The following KCNMB2 variants were observed in gnomAD, a reference collection of about 807,000 sequenced individuals.
KCNMB2 encodes calcium-activated potassium channel subunit beta-2.
Under a neutral mutation model 24.5 loss-of-function variants are expected in KCNMB2, and 9 were observed. The ratio of observed to expected loss-of-function variants is 0.37; its 90% CI spans 0.22 to 0.64. The LOEUF (loss-of-function observed/expected upper bound fraction) is 0.64. Among genes scored for constraint, KCNMB2 ranks in the 30% least tolerant of loss-of-function variants. KCNMB2 has a pLI of 0.63. For missense variants in KCNMB2, 226 were observed against 284.3 expected (o/e 0.79, Z 1.47); for synonymous variants, 109 against 104.4 (o/e 1.04, Z -0.27).
chr3:178,626,992 G>A (rs1577058729), intron 1 of KCNMB2, among the ~76,000 whole-genome samples: 1 of 150,964 alleles, frequency 6.6e-6, no homozygotes, highest in East Asian at 1.9e-4. Flanking sequence ...ACTGGCCAAT[G>A]GCAAAATCCA....
intron 2 of KCNMB2, among the ~76,000 whole-genome samples, chr3:178,811,529 G>A (rs930524417): frequency 6.6e-6 from 1 of 152,130 alleles, no homozygotes; most frequent in Non-Finnish European, 1.5e-5. Flanking sequence ...ATTTACCAAT[G>A]CTGGCGTGAG....
intron 1 of KCNMB2, among the ~76,000 whole-genome samples, chr3:178,545,296 T>C (rs1715739762): frequency 6.6e-6 from 1 of 152,192 alleles, no homozygotes; most frequent in South Asian, 2.1e-4. Flanking sequence ...CTACACTATG[T>C]GTGTCTGGGA....
intron 4 of KCNMB2, among the ~76,000 whole-genome samples, chr3:178,837,193 T>C (rs545692864): frequency 3.3e-5 from 5 of 152,320 alleles, no homozygotes; most frequent in Admixed American, 6.5e-5. Context: ...GATTTCATAG[T>C]TTATTATGTG....
At chr3:178,619,590 G>T (rs971403162) in intron 1 of KCNMB2, among the ~76,000 whole-genome samples, 12 of 151,916 alleles carry the variant, frequency 7.9e-5, no homozygotes, top group African/African-American at 2.7e-4. Context: ...GAGGCCCAAA[G>T]ATATTTCTGC....
At chr3:178,797,844 C>G (rs771674257) in intron 1 of KCNMB2, among the ~76,000 whole-genome samples, 7 of 152,176 alleles carry the variant, frequency 4.6e-5, no homozygotes, top group Non-Finnish European at 1.0e-4. Flanking sequence ...TCGAAGAGGT[C>G]CTTCACTTCC....
rs1174927347 is a variant in KCNMB2 at position 178,838,887 on chromosome 3, C to T, written c.424-3766C>T. ...TTACAATGCAAAAATTGGTAAATGA[C>T]AGTAAGACGTGAGTTTTATAAAAAA... On this transcript the variant is annotated intron_variant, in intron 4 of 4. Transcript: ENST00000452583. 2.0e-5 allele frequency among the ~76,000 whole-genome samples: 3 copies of T among 152,018 alleles called. No individual in the cohort carries two copies. In the East Asian group the frequency reaches 5.8e-4, roughly 29 times the overall value.
intron 1 of KCNMB2, among the ~76,000 whole-genome samples, chr3:178,754,191 C>CACACAT (rs1418868783): frequency 5.9e-5 from 4 of 68,076 alleles, no homozygotes; most frequent in Non-Finnish European, 5.5e-5. Flanking sequence ...CACACACACA[C>CACACAT]ATACATATAT....
intron 1 of KCNMB2, among the ~76,000 whole-genome samples, chr3:178,676,510 TC>T (rs1721075557): frequency 6.6e-6 from 1 of 152,154 alleles, no homozygotes; most frequent in South Asian, 2.1e-4. Context: ...CACCATTCTC[TC>T]CAAGCACACC....
chr3:178,766,407 T>C (rs973013321), intron 1 of KCNMB2, among the ~76,000 whole-genome samples: 11 of 152,176 alleles, frequency 7.2e-5, no homozygotes, highest in African/African-American at 2.7e-4. Flanking sequence ...TTGCCCAGGC[T>C]GATCTAGAAA....
intron 1 of KCNMB2, among the ~76,000 whole-genome samples, chr3:178,806,943 G>T (rs1277529977): frequency 6.6e-6 from 1 of 152,120 alleles, no homozygotes; most frequent in Non-Finnish European, 1.5e-5. Flanking sequence ...AGATTGAAGA[G>T]GAAAGAAGAA....
chr3:178,843,214 T>G lies in KCNMB2; in HGVS notation c.*277T>G, dbSNP rs1044168128. On this transcript the variant is annotated 3_prime_UTR_variant, in exon 5 of 5. Transcript: ENST00000452583. ...TTCTCTCATTCCGCCAAAACAGGGC[T>G]CAGTTATTCATTTGCCAAGCTTCGT... The G allele has an allele frequency of 3.8e-6, 2 of 527,644 alleles. No individual in the cohort carries two copies. Among genetic ancestry groups the G allele is most frequent in the Non-Finnish European group, 7.3e-6 (2 of 273,958 alleles). 32.7% of individuals were successfully genotyped at this position (527,644 alleles called of 1,614,324 possible).
intron 1 of KCNMB2, among the ~76,000 whole-genome samples, chr3:178,546,479 A>G (rs557553875): frequency 6.6e-6 from 1 of 152,340 alleles, no homozygotes; most frequent in African/African-American, 2.4e-5. Context: ...TTAATAAACA[A>G]GATAAAAAGG....
chr3:178,815,711 C>T (rs9875237), intron 2 of KCNMB2, among the ~76,000 whole-genome samples: 100,749 of 151,804 alleles, frequency 0.66, 35,741 homozygotes, highest in African/African-American at 0.92. Context: ...CCTATCTTTT[C>T]AATTTGATAG....
At chr3:178,574,423 A>G (rs966042207) in intron 1 of KCNMB2, among the ~76,000 whole-genome samples, 1 of 152,230 alleles carries the variant, frequency 6.6e-6, no homozygotes, top group Non-Finnish European at 1.5e-5. Flanking sequence ...TTCATGTTCA[A>G]CTTGTCTCTA....
intron 1 of KCNMB2, among the ~76,000 whole-genome samples, chr3:178,617,778 C>G (rs537331542): frequency 2.0e-5 from 3 of 151,160 alleles, no homozygotes; most frequent in Non-Finnish European, 2.9e-5. Context: ...GTAGTCCCAG[C>G]TACTCTGGAG....
At chr3:178,742,253 C>A (rs1053221822) in intron 1 of KCNMB2, among the ~76,000 whole-genome samples, 1 of 152,186 alleles carries the variant, frequency 6.6e-6, no homozygotes, top group African/African-American at 2.4e-5. Flanking sequence ...ATTCATAAAA[C>A]CTCTAATGGA....
intron 1 of KCNMB2, among the ~76,000 whole-genome samples, chr3:178,712,933 A>G (rs549381383): frequency 4.5e-4 from 68 of 152,382 alleles, no homozygotes; most frequent in African/African-American, 1.6e-3. Flanking sequence ...AGAAAGTTAA[A>G]GCAACTGGCA....
Position 178,843,209 on chromosome 3 carries a change from A to G in KCNMB2, c.*272A>G, listed in dbSNP as rs746318330. 1.1e-5 allele frequency: 6 copies of G among 533,750 alleles called. No individual in the cohort carries two copies. Among genetic ancestry groups the G allele is most frequent in the South Asian group, 3.1e-5 (2 of 65,260 alleles). The allele number at this position is 533,750 out of a possible 1,614,324, so 33.1% of individuals were successfully genotyped here. A position where few individuals can be genotyped will look rare whatever the true frequency, so the allele number is the denominator to read the frequency against. On this transcript the variant is annotated 3_prime_UTR_variant, in exon 5 of 5. Coordinates refer to ENST00000452583, the MANE Select transcript of KCNMB2 (RefSeq NM_181361.3). ...CTTTCTTCTCTCATTCCGCCAAAAC[A>G]GGGCTCAGTTATTCATTTGCCAAGC...
chr3:178,798,798 G>C (rs920114791), intron 1 of KCNMB2, among the ~76,000 whole-genome samples: 1 of 151,910 alleles, frequency 6.6e-6, no homozygotes, highest in Non-Finnish European at 1.5e-5. Context: ...TAGGTGATGG[G>C]TTGATAGGTG....
Sources: allele counts gnomAD v4.1 joint callset (sites outside exome capture counted in the v4.1 genomes callset), GRCh38; gene constraint gnomAD v4.1.1; transcripts MANE v1.5; gene names NCBI Gene and HGNC (gene_info 2026-07-23, HGNC 2026-07-21).